The following DPF3 variants were observed in gnomAD, a reference collection of about 807,000 sequenced individuals.
DPF3 encodes the protein double PHD fingers 3, also known as zinc finger protein DPF3.
A neutral mutation model predicts 56.8 loss-of-function variants in DPF3; 18 were observed. The observed-to-expected ratio is 0.32, with a 90% CI of 0.22 to 0.47. DPF3 has a LOEUF of 0.47. Ranked by LOEUF, DPF3 falls within the 20% of genes least tolerant of loss-of-function variation. DPF3 has a pLI of 1.00. For missense variants in DPF3, 403 were observed against 488.8 expected (o/e 0.82, Z 1.65); for synonymous variants, 188 against 180.2 (o/e 1.04, Z -0.35).
intron 5 of DPF3, among the ~76,000 whole-genome samples, chr14:72,717,991 G>A (rs1167802276): frequency 1.3e-5 from 2 of 152,162 alleles, no homozygotes; most frequent in African/African-American, 2.4e-5. Context: ...GATTCAAGCT[G>A]GGCCAATCAG....
At chr14:72,685,698 G>A (rs1430471990) in intron 7 of DPF3, among the ~76,000 whole-genome samples, 3 of 152,224 alleles carry the variant, frequency 2.0e-5, no homozygotes, top group African/African-American at 4.8e-5. Context: ...GAATGAATGA[G>A]ATACATGTGG....
intron 1 of DPF3, among the ~76,000 whole-genome samples, chr14:72,814,896 G>A (rs1447024836): frequency 6.6e-6 from 1 of 151,916 alleles, no homozygotes; most frequent in Admixed American, 6.6e-5. Flanking sequence ...AAACTTGGAA[G>A]AAACTTTTTC....
chr14:72,846,810 A>T (rs1204181555), intron 1 of DPF3, among the ~76,000 whole-genome samples: 3 of 152,166 alleles, frequency 2.0e-5, no homozygotes, highest in African/African-American at 7.2e-5. Flanking sequence ...AGAGGACTAT[A>T]GACCATCAAC....
intron 3 of DPF3, among the ~76,000 whole-genome samples, chr14:72,746,227 G>C (rs1890317676): frequency 6.6e-6 from 1 of 152,216 alleles, no homozygotes; most frequent in Non-Finnish European, 1.5e-5. Context: ...ATCACCTCTG[G>C]GAAGACAGTG....
chr14:72,625,070 C>T (rs1417836912), intron 9 of DPF3, among the ~76,000 whole-genome samples: 3 of 152,010 alleles, frequency 2.0e-5, no homozygotes, highest in African/African-American at 4.8e-5. Context: ...ATTATCTCCT[C>T]AACAAGAGAA....
At chr14:72,720,563 C>T (rs1889126560) in intron 5 of DPF3, among the ~76,000 whole-genome samples, 1 of 152,212 alleles carries the variant, frequency 6.6e-6, no homozygotes, top group Admixed American at 6.5e-5. Flanking sequence ...ATCCAGCCCC[C>T]TCACTGTGTT....
intron 1 of DPF3, among the ~76,000 whole-genome samples, chr14:72,825,118 C>A (rs1883738450): frequency 6.6e-6 from 1 of 152,110 alleles, no homozygotes; most frequent in African/African-American, 2.4e-5. Context: ...GAAGTCCTGA[C>A]CTTAGGTGAT....
chr14:72,785,361 C>T (rs1192579540), intron 1 of DPF3, among the ~76,000 whole-genome samples: 2 of 152,182 alleles, frequency 1.3e-5, no homozygotes, highest in Non-Finnish European at 2.9e-5. Flanking sequence ...TCACACACCC[C>T]ACTTTACAGA....
At chr14:72,663,881 C>T (rs1886332823) in intron 8 of DPF3, among the ~76,000 whole-genome samples, 1 of 152,158 alleles carries the variant, frequency 6.6e-6, no homozygotes, top group Non-Finnish European at 1.5e-5. Flanking sequence ...CCAAGCATCA[C>T]TCAATGGCCA....
At chr14:72,788,726 G>A (rs7148350) in intron 1 of DPF3, among the ~76,000 whole-genome samples, 11,398 of 152,168 alleles carry the variant, frequency 0.075, 644 homozygotes, top group East Asian at 0.27. Flanking sequence ...TCTAGGGGGA[G>A]GTTGATGGTG....
chr14:72,839,427 A>G (rs1248172467), intron 1 of DPF3, among the ~76,000 whole-genome samples: 1 of 152,200 alleles, frequency 6.6e-6, no homozygotes, highest in Non-Finnish European at 1.5e-5. Flanking sequence ...CCACCGAATA[A>G]GCCACAACTA....
intron 7 of DPF3, chr14:72,675,600 C>T (rs1030323949): frequency 2.0e-5 from 3 of 152,232 alleles, no homozygotes; most frequent in African/African-American, 7.2e-5. Flanking sequence ...TAATGTGATT[C>T]CCTCTGGCCT....
chr14:72,742,175 C>G (rs1890149819), intron 3 of DPF3, among the ~76,000 whole-genome samples: 1 of 152,210 alleles, frequency 6.6e-6, no homozygotes, highest in Non-Finnish European at 1.5e-5. Flanking sequence ...CCAACCAGAG[C>G]TGACGAAGCT....
chr14:72,853,568 A>G (rs1885069294), intron 1 of DPF3, among the ~76,000 whole-genome samples: 1 of 144,798 alleles, frequency 6.9e-6, no homozygotes, highest in African/African-American at 2.6e-5. Context: ...TCTGCCTCCC[A>G]GATTCAAGTG....
At chr14:72,629,261 T>A (rs987904473) in intron 9 of DPF3, among the ~76,000 whole-genome samples, 6 of 152,230 alleles carry the variant, frequency 3.9e-5, no homozygotes, top group African/African-American at 1.4e-4. Flanking sequence ...CGTGTACTGA[T>A]CTTTGTCGAA....
chr14:72,879,929 A>G (rs759059158), intron 1 of DPF3: 20 of 1,508,682 alleles, frequency 1.3e-5, no homozygotes, highest in Admixed American at 4.3e-5. Flanking sequence ...CACAACTTTC[A>G]TAGGATTCTT....
intron 8 of DPF3, chr14:72,670,973 G>C (rs566073429): frequency 3.2e-5 from 20 of 625,120 alleles, no homozygotes; most frequent in Admixed American, 1.4e-4. Context: ...ACAGAGGGGT[G>C]GGGGGAGGGA....
intron 7 of DPF3, among the ~76,000 whole-genome samples, chr14:72,678,301 C>G (rs2153571218): frequency 6.6e-6 from 1 of 152,320 alleles, no homozygotes; most frequent in East Asian, 1.9e-4. Flanking sequence ...TCATAAATCT[C>G]TTTAGAGTCA....
intron 6 of DPF3, among the ~76,000 whole-genome samples, chr14:72,696,912 T>G (rs1242438315): frequency 6.6e-6 from 1 of 152,236 alleles, no homozygotes; most frequent in African/African-American, 2.4e-5. Context: ...TAGGTGATTC[T>G]GATGCACACT....
Sources: gnomAD v4.1 joint callset for allele counts (sites outside exome capture counted in the v4.1 genomes callset) on GRCh38, gnomAD v4.1.1 for gene constraint, MANE v1.5 for transcripts, NCBI Gene and HGNC (gene_info 2026-07-23, HGNC 2026-07-21) for gene names.